KCNH5: variants seen among roughly 807,000 people sequenced by gnomAD.
KCNH5 encodes the protein voltage-gated delayed rectifier potassium channel KCNH5.
KCNH5 carries 46 observed loss-of-function variants against 96.1 expected under a neutral mutation model. That is an observed-to-expected ratio of 0.48 (90% CI 0.38 to 0.61). The LOEUF is 0.61. KCNH5 is among the 20% of genes least tolerant of loss of function. KCNH5 has a pLI of 0.00. For synonymous variants in KCNH5, 439 were observed against 449.8 expected (o/e 0.98, Z 0.30); for missense variants, 907 against 1,225.8 (o/e 0.74, Z 3.88).
chr14:62,736,167 C>T (rs973384661), intron 10 of KCNH5, among the ~76,000 whole-genome samples: 1 of 152,164 alleles, frequency 6.6e-6, no homozygotes, highest in Non-Finnish European at 1.5e-5. Context: ...CTGGTCTCTT[C>T]TCCTATTCTA....
At chr14:62,801,889 T>C (rs1886668763) in intron 9 of KCNH5, among the ~76,000 whole-genome samples, 1 of 152,126 alleles carries the variant, frequency 6.6e-6, no homozygotes, top group South Asian at 2.1e-4. Context: ...CTCCATTCAT[T>C]TACTAATTGG....
intron 1 of KCNH5, among the ~76,000 whole-genome samples, chr14:63,018,370 T>C (rs1891366195): frequency 6.6e-6 from 1 of 151,864 alleles, no homozygotes; most frequent in African/African-American, 2.4e-5. Context: ...AACTTCCGCA[T>C]AATATACCTC....
At chr14:62,911,226 A>G (rs1281410724) in intron 7 of KCNH5, among the ~76,000 whole-genome samples, 2 of 152,048 alleles carry the variant, frequency 1.3e-5, no homozygotes, top group Non-Finnish European at 2.9e-5. Flanking sequence ...TATAAACAAC[A>G]TAATGATCTT....
intron 3 of KCNH5, among the ~76,000 whole-genome samples, chr14:63,001,974 T>G (rs1010912364): frequency 6.6e-6 from 1 of 152,244 alleles, no homozygotes; most frequent in African/African-American, 2.4e-5. Flanking sequence ...GGCTCTCTCA[T>G]CAGTCAGATA....
intron 1 of KCNH5, among the ~76,000 whole-genome samples, chr14:63,039,341 C>G (rs1891780486): frequency 6.6e-6 from 1 of 151,924 alleles, no homozygotes; most frequent in African/African-American, 2.4e-5. Context: ...AACAATTTAG[C>G]TCTGTATTTA....
At position 62,702,064 on chromosome 14, in the gene KCNH5, A is replaced by C. The variant is rs1036065388; in HGVS notation, c.*5444T>G. The stretch of plus-strand genomic sequence containing the variant: ...AAGAAAAAGAAATTATAGAAAAAAA[A>C]TCCTGAATGACTCTTGCTTTCCTTA... On this transcript the variant is annotated 3_prime_UTR_variant, in exon 11 of 11. Transcript: ENST00000322893. The C allele has an allele frequency of 6.6e-6, 1 of 152,136 alleles. No homozygotes were observed. The highest frequency in any genetic ancestry group is 1.5e-5 in the Non-Finnish European group (1 of 67,982). The allele number at this position is 152,136 out of a possible 1,614,324, so 9.4% of individuals were successfully genotyped here.
chr14:62,922,607 A>G (rs1889400620), intron 7 of KCNH5, among the ~76,000 whole-genome samples: 1 of 152,058 alleles, frequency 6.6e-6, no homozygotes, highest in Non-Finnish European at 1.5e-5. Context: ...ACTATACGCC[A>G]TGATCAAGCT....
chr14:62,865,530 A>T (rs2140060815), intron 7 of KCNH5, among the ~76,000 whole-genome samples: 1 of 152,254 alleles, frequency 6.6e-6, no homozygotes, highest in South Asian at 2.1e-4. Flanking sequence ...AGGAAGAATC[A>T]CAGGACAGAG....
intron 7 of KCNH5, among the ~76,000 whole-genome samples, chr14:62,919,417 T>C (rs370028876): frequency 2.0e-5 from 3 of 152,290 alleles, no homozygotes; most frequent in Admixed American, 2.0e-4. Flanking sequence ...AATGCATTTC[T>C]GGGACTCACA....
At chr14:63,040,285 C>A (rs965896903) in intron 1 of KCNH5, among the ~76,000 whole-genome samples, 1 of 151,976 alleles carries the variant, frequency 6.6e-6, no homozygotes, top group Admixed American at 6.6e-5. Flanking sequence ...TGGAATCAAG[C>A]AAAAGATAAA....
intron 1 of KCNH5, among the ~76,000 whole-genome samples, chr14:63,032,780 T>C (rs1487884299): frequency 6.6e-6 from 1 of 152,212 alleles, no homozygotes; most frequent in African/African-American, 2.4e-5. Context: ...ACACTTATAT[T>C]GAGCTAAGCT....
At chr14:62,753,952 T>G (rs979246749) in intron 10 of KCNH5, among the ~76,000 whole-genome samples, 11 of 152,164 alleles carry the variant, frequency 7.2e-5, no homozygotes, top group African/African-American at 2.7e-4. Context: ...TAGAATATAA[T>G]AACATTGCAA....
intron 9 of KCNH5, among the ~76,000 whole-genome samples, chr14:62,786,688 G>A (rs915488607): frequency 1.8e-4 from 27 of 151,948 alleles, no homozygotes; most frequent in Non-Finnish European, 3.1e-4. Flanking sequence ...CAAGTCTATC[G>A]GTGTCATATT....
intron 7 of KCNH5, among the ~76,000 whole-genome samples, chr14:62,943,370 A>G (rs374869610): frequency 2.6e-5 from 4 of 152,172 alleles, no homozygotes; most frequent in African/African-American, 4.8e-5. Context: ...ATAGTCATCA[A>G]AATAAATCAT....
intron 7 of KCNH5, among the ~76,000 whole-genome samples, chr14:62,930,741 T>A (rs2140115566): frequency 6.6e-6 from 1 of 152,278 alleles, no homozygotes; most frequent in East Asian, 1.9e-4. Flanking sequence ...CCCTCATTTT[T>A]TTAAATTTAG....
chr14:62,898,463 T>C (rs1888859010), intron 7 of KCNH5, among the ~76,000 whole-genome samples: 1 of 152,144 alleles, frequency 6.6e-6, no homozygotes, highest in African/African-American at 2.4e-5. Flanking sequence ...AAAGTCATTC[T>C]AAAGGAAAAC....
chr14:62,712,557 T>C (rs1320509838), intron 10 of KCNH5: 1 of 696,730 alleles, frequency 1.4e-6, no homozygotes, highest in African/African-American at 1.8e-5. Flanking sequence ...TTCCAAACAG[T>C]CTTAACCATT....
At chr14:63,015,846 A>C (rs1891317728) in intron 2 of KCNH5, among the ~76,000 whole-genome samples, 1 of 151,920 alleles carries the variant, frequency 6.6e-6, no homozygotes, top group Non-Finnish European at 1.5e-5. Flanking sequence ...GGTTGAAAAA[A>C]TTAACCTATA....
intron 9 of KCNH5, among the ~76,000 whole-genome samples, chr14:62,793,005 G>A (rs1886465030): frequency 6.6e-6 from 1 of 151,740 alleles, no homozygotes; most frequent in Non-Finnish European, 1.5e-5. Flanking sequence ...TAATATAGGT[G>A]AACCTGGAGA....
Sources: gnomAD v4.1 joint callset for allele counts (sites outside exome capture counted in the v4.1 genomes callset) on GRCh38, gnomAD v4.1.1 for gene constraint, MANE v1.5 for transcripts, NCBI Gene and HGNC (gene_info 2026-07-23, HGNC 2026-07-21) for gene names.